The following LTBP1 variants were observed in gnomAD, a reference collection of about 807,000 sequenced individuals.
The protein encoded by LTBP1 is latent-transforming growth factor beta-binding protein 1.
Under a neutral mutation model 207.6 loss-of-function variants are expected in LTBP1, and 129 were observed. The observed-to-expected ratio is 0.62, with a 90% CI of 0.54 to 0.72. LTBP1 has a LOEUF of 0.72. Among genes scored for constraint, LTBP1 ranks in the 30% least tolerant of loss-of-function variants. The probability of loss-of-function intolerance (pLI) is 0.00; values close to 1 mark genes in which losing one functional copy is unlikely to be tolerated. For missense variants in LTBP1, 2,281 were observed against 2,217.2 expected (o/e 1.03, Z -0.58); for synonymous variants, 963 against 833.7 (o/e 1.16, Z -2.67).
At chr2:33,023,439 G>T (rs2075270756) in intron 3 of LTBP1, among the ~76,000 whole-genome samples, 1 of 152,172 alleles carries the variant, frequency 6.6e-6, no homozygotes, top group African/African-American at 2.4e-5. Flanking sequence ...AGTCAAAGAG[G>T]AGGCTAAGGT....
chr2:33,156,058 C>T (rs1199435230), intron 5 of LTBP1, among the ~76,000 whole-genome samples: 2 of 152,140 alleles, frequency 1.3e-5, no homozygotes, highest in Admixed American at 6.5e-5. Context: ...GAGTCTCTTC[C>T]GTATGCCCAG....
At chr2:33,368,232 T>C (rs751591331) in intron 31 of LTBP1, among the ~76,000 whole-genome samples, 6 of 152,086 alleles carry the variant, frequency 3.9e-5, no homozygotes, top group Non-Finnish European at 7.4e-5. Flanking sequence ...TTACATCATT[T>C]GAATTTAAAT....
chr2:33,077,897 C>T (rs952376101), intron 3 of LTBP1, among the ~76,000 whole-genome samples: 1 of 152,048 alleles, frequency 6.6e-6, no homozygotes, highest in African/African-American at 2.4e-5. Context: ...TTTAGGCAAA[C>T]AAAAGGTCGG....
At chr2:33,353,987 G>A (rs1314394995) in intron 26 of LTBP1, among the ~76,000 whole-genome samples, 1 of 151,738 alleles carries the variant, frequency 6.6e-6, no homozygotes, top group Non-Finnish European at 1.5e-5. Flanking sequence ...AGCCTCCCGA[G>A]TAGCTGGGAC....
chr2:33,273,365 G>T (rs2093360757), intron 15 of LTBP1, among the ~76,000 whole-genome samples: 2 of 152,104 alleles, frequency 1.3e-5, no homozygotes, highest in African/African-American at 4.8e-5. Flanking sequence ...ATTAATAATT[G>T]ATTTTCTTAC....
chr2:33,029,558 C>A (rs2075592541), intron 3 of LTBP1, among the ~76,000 whole-genome samples: 1 of 152,180 alleles, frequency 6.6e-6, no homozygotes, highest in South Asian at 2.1e-4. Flanking sequence ...TCCCTTCCAA[C>A]TTTCCAGAAT....
intron 2 of LTBP1, among the ~76,000 whole-genome samples, chr2:32,957,075 G>A (rs1431777031): frequency 1.3e-5 from 2 of 152,208 alleles, no homozygotes; most frequent in Non-Finnish European, 2.9e-5. Flanking sequence ...CAGAGCACAG[G>A]CGAAGCAGAT....
intron 2 of LTBP1, among the ~76,000 whole-genome samples, chr2:33,019,839 A>G (rs1208719309): frequency 6.6e-6 from 1 of 151,608 alleles, no homozygotes; most frequent in Non-Finnish European, 1.5e-5. Flanking sequence ...AGTAGCTGGG[A>G]CTACAGGTGC....
At chr2:33,306,944 T>A (rs1304563128) in intron 22 of LTBP1, among the ~76,000 whole-genome samples, 1 of 151,464 alleles carries the variant, frequency 6.6e-6, no homozygotes, top group Non-Finnish European at 1.5e-5. Context: ...AAAAATCAGT[T>A]GGGCGTGGTG....
chr2:33,008,648 A>T lies in LTBP1; in HGVS notation c.566-12261A>T, dbSNP rs4952279. On this transcript the variant is annotated intron_variant, in intron 2 of 33. Coordinates refer to ENST00000404816, the MANE Select transcript of LTBP1 (RefSeq NM_206943.4). The stretch of plus-strand genomic sequence containing the variant: ...TATCTTCTAGGCGCAGGGCAAAAGC[A>T]GCAACTAAAATAGTCTTTCTCCCTG... Among the ~76,000 whole-genome samples the T allele has an allele frequency of 3.3e-5, 5 of 152,182 alleles. No individual in the cohort carries two copies. In the South Asian group the frequency reaches 6.2e-4, roughly 19 times the overall value.
chr2:32,995,332 C>T (rs933003742), intron 2 of LTBP1, among the ~76,000 whole-genome samples: 8 of 152,110 alleles, frequency 5.3e-5, no homozygotes, highest in African/African-American at 1.7e-4. Context: ...CACATTCTGA[C>T]CTAGAAAACC....
intron 14 of LTBP1, 111 bp downstream of exon 14, chr2:33,262,932 G>A (rs2093059732): frequency 1.5e-6 from 1 of 648,736 alleles, no homozygotes; most frequent in Admixed American, 2.8e-5. Flanking sequence ...CATAACTGAA[G>A]TTCAGTGTTA....
chr2:33,246,822 C>T (rs1403515320), intron 10 of LTBP1, among the ~76,000 whole-genome samples: 1 of 152,148 alleles, frequency 6.6e-6, no homozygotes, highest in Non-Finnish European at 1.5e-5. Flanking sequence ...CTTAGCCAAG[C>T]TAAAAGGAAG....
intron 5 of LTBP1, among the ~76,000 whole-genome samples, chr2:33,167,400 C>T (rs559310726): frequency 1.3e-5 from 2 of 151,450 alleles, no homozygotes; most frequent in East Asian, 3.9e-4. Flanking sequence ...AGGTACCGAC[C>T]ATGTATTAAG....
chr2:33,019,244 A>G (rs1408050764), intron 2 of LTBP1, among the ~76,000 whole-genome samples: 1 of 152,128 alleles, frequency 6.6e-6, no homozygotes. Context: ...ATGTATTTGA[A>G]CAAATAAAGA....
At chr2:33,140,400 A>T (rs2082545818) in intron 5 of LTBP1, among the ~76,000 whole-genome samples, 1 of 152,152 alleles carries the variant, frequency 6.6e-6, no homozygotes, top group Non-Finnish European at 1.5e-5. Context: ...AAACCAATGA[A>T]AATGCCATCG....
Position 33,261,595 on chromosome 2 carries a change from G to C in LTBP1, c.2419-1127G>C, listed in dbSNP as rs942761070. Among the ~76,000 whole-genome samples, 4 of 152,256 alleles carry C rather than the reference G, an allele frequency of 2.6e-5. No homozygotes were observed. The South Asian group carries it at 6.2e-4, about 24-fold the overall frequency. On this transcript the variant is annotated intron_variant, in intron 13 of 33. Coordinates refer to ENST00000404816, the MANE Select transcript of LTBP1 (RefSeq NM_206943.4). ...TTAAGAAAAAAGTGTCAATGGACGG[G>C]GCTTGCAATGAAAAATGAAAGAGGG...
At chr2:32,953,795 T>C (rs1156963383) in intron 2 of LTBP1, among the ~76,000 whole-genome samples, 1 of 152,174 alleles carries the variant, frequency 6.6e-6, no homozygotes, top group Non-Finnish European at 1.5e-5. Context: ...TTATTTGTTG[T>C]CTTGGATATT....
chr2:33,332,468 T>A (rs2094507041), intron 24 of LTBP1, among the ~76,000 whole-genome samples: 1 of 148,244 alleles, frequency 6.7e-6, no homozygotes, highest in Non-Finnish European at 1.5e-5. Flanking sequence ...AAGAAAAAAA[T>A]CATTTATCAA....
Sources: gnomAD v4.1 joint callset for allele counts (sites outside exome capture counted in the v4.1 genomes callset) on GRCh38, gnomAD v4.1.1 for gene constraint, MANE v1.5 for transcripts, NCBI Gene and HGNC (gene_info 2026-07-23, HGNC 2026-07-21) for gene names.